The following PCDHA3 variants were observed in gnomAD, a reference collection of about 807,000 sequenced individuals.
PCDHA3 encodes the protein protocadherin alpha 3, also known as protocadherin alpha-3.
Under a neutral mutation model 62.2 loss-of-function variants are expected in PCDHA3, and 41 were observed. That is an observed-to-expected ratio of 0.66 (90% CI 0.51 to 0.86). PCDHA3 has a LOEUF of 0.86. Among genes scored for constraint, PCDHA3 ranks in the 40% least tolerant of loss-of-function variants. PCDHA3 has a pLI of 0.00. For missense variants in PCDHA3, 1,304 were observed against 1,241.2 expected, an observed-to-expected ratio of 1.05 and a Z score of -0.76; for synonymous variants, 640 against 555.4, an observed-to-expected ratio of 1.15 and a Z score of -2.14.
Position 140,974,586 on chromosome 5 carries a change from A to G in PCDHA3, c.2395-4363A>G, listed in dbSNP as rs150396044. Among the ~76,000 whole-genome samples, 599 of 152,220 alleles carry G rather than the reference A, an allele frequency of 3.9e-3. 3 individuals carry two copies. Among genetic ancestry groups the G allele is most frequent in the African/African-American group, 0.014 (565 of 41,540 alleles). On this transcript the variant is annotated intron_variant, in intron 1 of 3. Transcript: ENST00000522353. The stretch of plus-strand genomic sequence containing the variant: ...GAGTGCAATGGCATGATCTTGGCTC[A>G]CTGCAACCTCTGCCTCCAGGGTTCA...
chr5:140,869,885 T>C (rs2051479155), intron 1 of PCDHA3: 7 of 1,610,426 alleles, frequency 4.3e-6, no homozygotes, highest in South Asian at 1.1e-5. Context: ...GAAACTCTTG[T>C]GCTCAAACTA....
At chr5:140,853,678 A>G (rs2042828793) in intron 1 of PCDHA3, 4 of 988,418 alleles carry the variant, frequency 4.0e-6, no homozygotes, top group Non-Finnish European at 3.7e-6. Flanking sequence ...CCTATGGTCA[A>G]CCTATCCTTA....
chr5:140,876,783 C>G (rs1554168916), intron 1 of PCDHA3: 2 of 1,614,196 alleles, frequency 1.2e-6, no homozygotes, highest in Admixed American at 1.7e-5. Flanking sequence ...CGCTGTGGGC[C>G]ACGGCTAGAG....
intron 1 of PCDHA3, among the ~76,000 whole-genome samples, chr5:140,923,770 G>C (rs1554201580): frequency 6.6e-6 from 1 of 152,152 alleles, no homozygotes; most frequent in East Asian, 1.9e-4. Context: ...AATCCTACTG[G>C]GTGGATGGTT....
At chr5:140,853,355 C>G (rs1554146557) in intron 1 of PCDHA3, 1 of 981,160 alleles carries the variant, frequency 1.0e-6, no homozygotes, top group African/African-American at 1.8e-5. Context: ...CATGAACTCA[C>G]AGGGATCCAG....
intron 1 of PCDHA3, chr5:140,842,797 C>T (rs1554139391): frequency 1.3e-6 from 2 of 1,594,372 alleles, no homozygotes; most frequent in East Asian, 2.2e-5. Context: ...TGGTGTCCTA[C>T]TCGCTTGTGG....
intron 3 of PCDHA3, among the ~76,000 whole-genome samples, chr5:140,987,825 G>A (rs1181525478): frequency 1.3e-5 from 2 of 151,894 alleles, no homozygotes; most frequent in Admixed American, 1.3e-4. Flanking sequence ...GTTTCCTTAG[G>A]GGATTGCTTT....
Position 140,895,899 on chromosome 5 carries a change from C to T in PCDHA3, c.2395-83050C>T, listed in dbSNP as rs181661173. Among the ~76,000 whole-genome samples, 21 of 152,308 alleles carry T rather than the reference C, an allele frequency of 1.4e-4. No homozygotes were observed. The East Asian group carries it at 2.5e-3, about 18-fold the overall frequency. ...CGATCTCGGCTCACTGCAACCTCCGCGTCCCGGGCTCAACAATTATCCTGC... is the reference window on the plus strand; with the variant it reads ...CGATCTCGGCTCACTGCAACCTCCGTGTCCCGGGCTCAACAATTATCCTGC... On this transcript the variant is annotated intron_variant, in intron 1 of 3. Transcript: ENST00000522353.
intron 1 of PCDHA3, among the ~76,000 whole-genome samples, chr5:140,826,500 G>A (rs1768954368): frequency 6.6e-6 from 1 of 152,148 alleles, no homozygotes; most frequent in African/African-American, 2.4e-5. Context: ...TTTGGAGTAA[G>A]GTGAAGATGA....
chr5:140,982,779 G>A (rs1228586175), intron 3 of PCDHA3, among the ~76,000 whole-genome samples: 2 of 151,918 alleles, frequency 1.3e-5, no homozygotes, highest in African/African-American at 2.4e-5. Context: ...GAAAGTGTGT[G>A]TGCACGCATG....
At chr5:140,873,255 C>T (rs1554166636) in intron 1 of PCDHA3, among the ~76,000 whole-genome samples, 1 of 152,074 alleles carries the variant, frequency 6.6e-6, no homozygotes, top group South Asian at 2.1e-4. Context: ...ATTTCAGACT[C>T]AAAAGTGATT....
chr5:140,933,762 T>C (rs2089409260), intron 1 of PCDHA3, among the ~76,000 whole-genome samples: 1 of 152,128 alleles, frequency 6.6e-6, no homozygotes, highest in African/African-American at 2.4e-5. Flanking sequence ...AGTGAAGCTC[T>C]CTGTACCTAC....
At chr5:140,901,060 A>AT (rs542927280) in intron 1 of PCDHA3, among the ~76,000 whole-genome samples, 21 of 151,128 alleles carry the variant, frequency 1.4e-4, no homozygotes, top group African/African-American at 3.2e-4. Flanking sequence ...AGATTATTAG[A>AT]TTTTTTTTTC....
chr5:140,845,410 G>A (rs1316753115), intron 1 of PCDHA3, among the ~76,000 whole-genome samples: 3 of 149,216 alleles, frequency 2.0e-5, no homozygotes, highest in South Asian at 4.2e-4. Context: ...ATTGTATTTG[G>A]CAATTTATCA....
chr5:140,898,670 C>T (rs574817267), intron 1 of PCDHA3, among the ~76,000 whole-genome samples: 20 of 152,200 alleles, frequency 1.3e-4, no homozygotes, highest in South Asian at 6.2e-4. Context: ...CTTGGTGTTG[C>T]GGGCTGTTTT....
rs782638942 is a variant in PCDHA3, at chr5:140,876,442, G to T, written c.2394+72851G>T. The T allele has an allele frequency of 1.5e-5, 25 of 1,613,894 alleles. 1 individual carries two copies. The South Asian group carries it at 2.7e-4, about 18-fold the overall frequency. The stretch of plus-strand genomic sequence containing the variant: ...CTATGAAATTCAGGTTAACGCCATT[G>T]ATAAAGGGATTCCTTCCATGGCAGG... On this transcript the variant is annotated intron_variant, in intron 1 of 3. Coordinates refer to ENST00000522353, the MANE Select transcript of PCDHA3 (RefSeq NM_018906.3).
intron 1 of PCDHA3, among the ~76,000 whole-genome samples, chr5:140,974,165 G>T (rs1298109600): frequency 6.6e-6 from 1 of 152,164 alleles, no homozygotes; most frequent in Non-Finnish European, 1.5e-5. Flanking sequence ...TTTCTTTCAA[G>T]AATTTTAACT....
At chr5:140,868,860 A>C (rs2050688614) in intron 1 of PCDHA3, 1 of 525,418 alleles carries the variant, frequency 1.9e-6, no homozygotes, top group Admixed American at 3.7e-5. Context: ...GTGGTGGTAA[A>C]TGCAGTGCAC....
intron 1 of PCDHA3, chr5:140,870,894 T>C (rs2052511877): frequency 1.2e-6 from 2 of 1,613,938 alleles, no homozygotes; most frequent in East Asian, 2.2e-5. Flanking sequence ...GCGCAGTGGA[T>C]GCGGACTCAG....
Sources: gnomAD v4.1 joint callset for allele counts (sites outside exome capture counted in the v4.1 genomes callset) on GRCh38, gnomAD v4.1.1 for gene constraint, MANE v1.5 for transcripts, NCBI Gene and HGNC (gene_info 2026-07-23, HGNC 2026-07-21) for gene names.